C12orf54: variants seen among roughly 807,000 people sequenced by gnomAD.
C12orf54 encodes the protein uncharacterized protein C12orf54.
C12orf54 carries 24 observed loss-of-function variants against 26.4 expected under a neutral mutation model. The ratio of observed to expected loss-of-function variants is 0.91; its 90% confidence interval spans 0.66 to 1.28. The LOEUF is 1.28. C12orf54 is among the 50% of genes most tolerant of loss of function. The pLI, the probability that C12orf54 is intolerant of heterozygous loss-of-function variation, is 0.00. For missense variants in C12orf54, 154 were observed against 150.9 expected (o/e 1.02, Z -0.11); for synonymous variants, 54 against 47.0 (o/e 1.15, Z -0.61).
chr12:48,483,795 A>G (rs570699736), intron 2 of C12orf54, among the ~76,000 whole-genome samples: 4 of 152,348 alleles, frequency 2.6e-5, no homozygotes, highest in African/African-American at 9.6e-5. Context: ...AAGTCAGAAA[A>G]GAAGGAGGGT....
chr12:48,444,675 C>T, the C12orf54 span, among the ~76,000 whole-genome samples: 1 of 152,184 alleles, frequency 6.6e-6, no homozygotes, highest in African/African-American at 2.4e-5. Context: ...ACTGCTTCAT[C>T]TATTCAAACT....
rs1937820999 is a variant in C12orf54 at position 48,492,854 on chromosome 12, G to T, written c.194-93G>T. The stretch of plus-strand genomic sequence containing the variant: ...CTTCAAGTCTGGACCCTCCCACTTT[G>T]ACTATACTTCAAATCAAGGATGTGA... On this transcript the variant is annotated intron_variant, in intron 6 of 8. Coordinates refer to ENST00000548364, the MANE Select transcript of C12orf54 (RefSeq NM_152319.4). 5.2e-6 allele frequency: 6 copies of T among 1,161,760 alleles called. No individual in the cohort carries two copies. In the Admixed American group the frequency reaches 7.0e-5, roughly 14 times the overall value. 72.0% of individuals were successfully genotyped at this position (1,161,760 alleles called of 1,614,324 possible). A position where few individuals can be genotyped will look rare whatever the true frequency, so the allele number is the denominator to read the frequency against.
At chr12:48,467,848 G>T in the C12orf54 span, among the ~76,000 whole-genome samples, 1 of 152,030 alleles carries the variant, frequency 6.6e-6, no homozygotes, top group African/African-American at 2.4e-5. Flanking sequence ...TTAGTCTTTT[G>T]TTGGGGGGCC....
chr12:48,436,405 G>A, the C12orf54 span, among the ~76,000 whole-genome samples: 56 of 152,104 alleles, frequency 3.7e-4, no homozygotes, highest in African/African-American at 8.4e-4. Context: ...TGCACCAAGC[G>A]GACCTAATAG....
the C12orf54 span, among the ~76,000 whole-genome samples, chr12:48,476,989 G>C: frequency 1.3e-5 from 2 of 152,122 alleles, no homozygotes; most frequent in African/African-American, 4.8e-5. Context: ...TGACCACATA[G>C]TTGGAAGTAA....
At chr12:48,473,401 A>G in the C12orf54 span, 1 of 823,910 alleles carries the variant, frequency 1.2e-6, no homozygotes. Flanking sequence ...GATGAGGGAG[A>G]AGACGATGCC....
At chr12:48,486,369 C>A (rs1234746707) in intron 3 of C12orf54, 161 bp downstream of exon 3, 10 of 688,968 alleles carry the variant, frequency 1.5e-5, no homozygotes, top group Admixed American at 2.8e-5. Flanking sequence ...TCTACCAAAC[C>A]AGGTAACGTC....
At chr12:48,457,929 G>A in the C12orf54 span, among the ~76,000 whole-genome samples, 2 of 152,140 alleles carry the variant, frequency 1.3e-5, no homozygotes, top group Admixed American at 6.5e-5. Context: ...GTCCCTTCAG[G>A]CCCCAGCAGC....
the C12orf54 span, among the ~76,000 whole-genome samples, chr12:48,466,002 C>T: frequency 6.6e-6 from 1 of 152,048 alleles, no homozygotes; most frequent in Admixed American, 6.5e-5. Context: ...AAAAGAAAAC[C>T]TTAGAAAAAC....
At chr12:48,443,595 T>C in the C12orf54 span, among the ~76,000 whole-genome samples, 2 of 152,168 alleles carry the variant, frequency 1.3e-5, no homozygotes, top group Admixed American at 1.3e-4. Flanking sequence ...GAGAAACTGT[T>C]GGTCAATATA....
chr12:48,433,605 C>T, the C12orf54 span, among the ~76,000 whole-genome samples: 3 of 151,992 alleles, frequency 2.0e-5, no homozygotes, highest in Non-Finnish European at 4.4e-5. Context: ...CCACCACCAC[C>T]CCTGGCTAAT....
At chr12:48,443,221 T>C in the C12orf54 span, among the ~76,000 whole-genome samples, 1 of 152,210 alleles carries the variant, frequency 6.6e-6, no homozygotes, top group Non-Finnish European at 1.5e-5. Context: ...GTTGTTTTAT[T>C]ATTAAGGCTA....
the C12orf54 span, among the ~76,000 whole-genome samples, chr12:48,422,566 A>G: frequency 1.3e-5 from 2 of 152,138 alleles, no homozygotes; most frequent in African/African-American, 4.8e-5. Context: ...TTTTTTCTGT[A>G]CTAGAAATTG....
intron 7 of C12orf54, among the ~76,000 whole-genome samples, chr12:48,493,430 G>T (rs1937835519): frequency 6.6e-6 from 1 of 152,068 alleles, no homozygotes; most frequent in African/African-American, 2.4e-5. Context: ...GAGCCCAGGA[G>T]TTCGACACAG....
At chr12:48,430,372 A>C in the C12orf54 span, among the ~76,000 whole-genome samples, 1 of 152,212 alleles carries the variant, frequency 6.6e-6, no homozygotes, top group Non-Finnish European at 1.5e-5. Context: ...CAGACAACCC[A>C]CAGAGTAGGA....
upstream of C12orf54, among the ~76,000 whole-genome samples, chr12:48,481,148 A>G (rs1321750024): frequency 6.6e-6 from 1 of 152,134 alleles, no homozygotes; most frequent in Admixed American, 6.5e-5. Flanking sequence ...TCAGCAATAT[A>G]TCCTTGTAAC....
chr12:48,482,373 T>C (rs531317384), upstream of C12orf54: 1 of 152,326 alleles, frequency 6.6e-6, no homozygotes, highest in Admixed American at 6.5e-5. Context: ...CATTTTACCA[T>C]TATCGTTTGG....
At chr12:48,451,556 T>C in the C12orf54 span, among the ~76,000 whole-genome samples, 3 of 152,208 alleles carry the variant, frequency 2.0e-5, no homozygotes, top group Admixed American at 1.3e-4. Context: ...AAACTATCTT[T>C]GTTTGCAGAT....
the C12orf54 span, among the ~76,000 whole-genome samples, chr12:48,414,969 G>A: frequency 1.3e-5 from 2 of 152,244 alleles, no homozygotes; most frequent in East Asian, 1.9e-4. Flanking sequence ...GGAGTCTAAG[G>A]AGCATAAAAG....
Sources: allele counts gnomAD v4.1 joint callset (sites outside exome capture counted in the v4.1 genomes callset), GRCh38; gene constraint gnomAD v4.1.1; transcripts MANE v1.5; gene names NCBI Gene and HGNC (gene_info 2026-07-23, HGNC 2026-07-21).